The following OTULIN variants were observed in gnomAD, a reference collection of about 807,000 sequenced individuals.
OTULIN encodes OTU deubiquitinase with linear linkage specificity.
In OTULIN, 15 loss-of-function variants were observed where a neutral mutation model predicts 39.6. The observed-to-expected ratio is 0.38, with a 90% confidence interval of 0.25 to 0.58. The LOEUF is 0.58. Ranked by LOEUF, OTULIN falls within the 20% of genes least tolerant of loss-of-function variation. The pLI is 0.66. For missense variants in OTULIN, 319 were observed against 445.9 expected (o/e 0.72, Z 2.56); for synonymous variants, 156 against 170.3 (o/e 0.92, Z 0.65).
chr5:14,676,376 C>G (rs1736104656), intron 2 of OTULIN, among the ~76,000 whole-genome samples: 1 of 152,244 alleles, frequency 6.6e-6, no homozygotes, highest in Non-Finnish European at 1.5e-5. Flanking sequence ...CCTTGTCCTG[C>G]ATCTCCAGCT....
the OTULIN span, among the ~76,000 whole-genome samples, chr5:14,716,347 G>C: frequency 6.6e-6 from 1 of 152,154 alleles, no homozygotes; most frequent in South Asian, 2.1e-4. Context: ...ACAAAAATTA[G>C]TTGGGTATGG....
Position 14,690,404 on chromosome 5 carries a change from C to T in OTULIN, c.864+96C>T, listed in dbSNP as rs1381635336. ...TTTTTGTAGGTCAGAAATTCAGGGA[C>T]AGCTTAGTTGGATGGTTCTGGCTCA... On this transcript the variant is annotated intron_variant, in intron 6 of 6. Coordinates refer to ENST00000284274, the MANE Select transcript of OTULIN (RefSeq NM_138348.6). The surrounding 1 kb of genome is among the most constrained non-coding windows in gnomAD (Gnocchi z 4.5). The T allele has an allele frequency of 2.1e-6, 3 of 1,439,992 alleles. No homozygotes were observed. The highest frequency in any genetic ancestry group is 2.8e-6 in the Non-Finnish European group (3 of 1,063,900). The allele number at this position is 1,439,992 out of a possible 1,614,324, so 89.2% of individuals were successfully genotyped here.
In OTULIN at chr5:14,699,352, G is replaced by A. The variant is rs1241484783; in HGVS notation, c.*6304G>A. On this transcript the variant is annotated 3_prime_UTR_variant, in exon 7 of 7. Coordinates refer to ENST00000284274, the MANE Select transcript of OTULIN (RefSeq NM_138348.6). ...TTTGTCAAAGAACTAGAGTCTGGGA[G>A]TCTTGCAAGATGGAGCTGGGCTTCT... 1 of 152,234 alleles carries A rather than the reference G, an allele frequency of 6.6e-6. No individual in the cohort carries two copies. Among genetic ancestry groups the A allele is most frequent in the Non-Finnish European group, 1.5e-5 (1 of 68,072 alleles). The allele number at this position is 152,234 out of a possible 1,614,324, so 9.4% of individuals were successfully genotyped here.
intron 1 of OTULIN, among the ~76,000 whole-genome samples, chr5:14,665,261 G>A (rs1735804218): frequency 6.6e-6 from 1 of 152,230 alleles, no homozygotes; most frequent in Non-Finnish European, 1.5e-5. Context: ...AACTTGGGAA[G>A]CAAACCCGAG....
chr5:14,670,494 A>C (rs547053477), intron 1 of OTULIN, among the ~76,000 whole-genome samples: 2 of 152,242 alleles, frequency 1.3e-5, no homozygotes, highest in Non-Finnish European at 2.9e-5. Flanking sequence ...TTTCTATTAG[A>C]CGGGTAACTA....
At chr5:14,667,626 C>T (rs1339136415) in intron 1 of OTULIN, among the ~76,000 whole-genome samples, 1 of 152,226 alleles carries the variant, frequency 6.6e-6, no homozygotes, top group Non-Finnish European at 1.5e-5. Context: ...CCTCTTGCCG[C>T]AGCTTCCTGA....
At chr5:14,665,584 C>T (rs1217907572) in intron 1 of OTULIN, among the ~76,000 whole-genome samples, 2 of 152,066 alleles carry the variant, frequency 1.3e-5, no homozygotes, top group African/African-American at 4.8e-5. Flanking sequence ...CTGCAAGGGT[C>T]TGGGGGTACG....
chr5:14,683,075 ATTGT>A (rs1408016916), intron 4 of OTULIN, among the ~76,000 whole-genome samples: 8 of 152,190 alleles, frequency 5.3e-5, no homozygotes, highest in African/African-American at 1.9e-4. Flanking sequence ...CTGTTCCATG[ATTGT>A]TTAATACACC....
chr5:14,685,609 A>C, intron 4 of OTULIN, among the ~76,000 whole-genome samples: 1 of 152,190 alleles, frequency 6.6e-6, no homozygotes, highest in East Asian at 1.9e-4. Flanking sequence ...GGAAGTCTAC[A>C]ACCCTGAACT....
chr5:14,701,412 C>T (rs1199228398), downstream of OTULIN, among the ~76,000 whole-genome samples: 2 of 152,132 alleles, frequency 1.3e-5, no homozygotes, highest in East Asian at 1.9e-4. Context: ...CTTTTGGACC[C>T]CCTGCCCTGT....
chr5:14,713,702 C>T, the OTULIN span: 4 of 1,612,294 alleles, frequency 2.5e-6, no homozygotes, highest in African/African-American at 4.0e-5. The surrounding 1 kb of genome is among the most constrained non-coding windows in gnomAD (Gnocchi z 4.4). Context: ...TCAGCCGTGC[C>T]CGCCATCCAC....
chr5:14,676,219 C>T (rs1490491489), intron 2 of OTULIN, among the ~76,000 whole-genome samples: 1 of 152,204 alleles, frequency 6.6e-6, no homozygotes, highest in Non-Finnish European at 1.5e-5. Context: ...TTGTGGCTTA[C>T]CACTCTGGTT....
downstream of OTULIN, among the ~76,000 whole-genome samples, chr5:14,703,349 A>G (rs1579987363): frequency 8.1e-6 from 1 of 124,018 alleles, no homozygotes; most frequent in African/African-American, 3.3e-5. Flanking sequence ...AAAAAAAAAA[A>G]AAAAAAAAAA....
chr5:14,710,777 G>GTTGA, the OTULIN span: 863 of 210,166 alleles, frequency 4.1e-3, 9 homozygotes, highest in African/African-American at 0.019. Context: ...GTTTTAACCT[G>GTTGA]TTGATTCTTA....
rs1396165860 is a variant in OTULIN at position 14,696,812 on chromosome 5, A to G, written c.*3764A>G. The G allele has an allele frequency of 6.6e-6, 1 of 152,024 alleles. No individual in the cohort carries two copies. The highest frequency in any genetic ancestry group is 1.5e-5 in the Non-Finnish European group (1 of 68,046). The allele number at this position is 152,024 out of a possible 1,614,324, so 9.4% of individuals were successfully genotyped here. A position where few individuals can be genotyped will look rare whatever the true frequency, so the allele number is the denominator to read the frequency against. On this transcript the variant is annotated 3_prime_UTR_variant, in exon 7 of 7. Transcript: ENST00000284274. ...CTCGGGAAACCTCATTTGTGACATC[A>G]TCTAAGGGGATGGGAAGACTAGGGA... is the stretch of plus-strand genomic sequence containing the variant.
In OTULIN at chr5:14,665,072, C is replaced by CG. The variant is rs397737447; in HGVS notation, c.152+95_152+96insG. The CG allele has an allele frequency of 1.9e-5, 18 of 945,800 alleles. No individual in the cohort carries two copies. The African/African-American group carries it at 2.3e-4, about 12-fold the overall frequency. The allele number at this position is 945,800 out of a possible 1,614,324, so 58.6% of individuals were successfully genotyped here. On this transcript the variant is annotated intron_variant, in intron 1 of 6. Coordinates refer to ENST00000284274, the MANE Select transcript of OTULIN (RefSeq NM_138348.6). ...GGTGGGGAGTCGTCAGCGGAGGGTC[C>CG]TGGGCGTCTTCAATTCTGAGTGAGG...
At chr5:14,665,260 A>C (rs1735804136) in intron 1 of OTULIN, among the ~76,000 whole-genome samples, 1 of 152,214 alleles carries the variant, frequency 6.6e-6, no homozygotes, top group Admixed American at 6.5e-5. Flanking sequence ...AAACTTGGGA[A>C]GCAAACCCGA....
chr5:14,711,782 A>G, the OTULIN span, among the ~76,000 whole-genome samples: 1 of 152,174 alleles, frequency 6.6e-6, no homozygotes, highest in Admixed American at 6.5e-5. Flanking sequence ...TGCCTGTCCT[A>G]GTTCCTGGTC....
chr5:14,688,588 T>G (rs1736445530), intron 5 of OTULIN, among the ~76,000 whole-genome samples: 1 of 152,200 alleles, frequency 6.6e-6, no homozygotes, highest in Non-Finnish European at 1.5e-5. Flanking sequence ...AACCTAGTTT[T>G]TGCTTAGAAA....
Sources: gnomAD v4.1 joint callset for allele counts (sites outside exome capture counted in the v4.1 genomes callset) on GRCh38, gnomAD v4.1.1 for gene constraint, Gnocchi (gnomAD v3.1) non-coding constraint, MANE v1.5 for transcripts, NCBI Gene and HGNC (gene_info 2026-07-23, HGNC 2026-07-21) for gene names.